Variants in WDR20 observed in about 807,000 individuals in gnomAD.
The protein encoded by WDR20 is WD repeat domain 20.
In WDR20, 3 loss-of-function variants were observed where a neutral mutation model predicts 38.7. The observed-to-expected ratio is 0.08, with a 90% CI of 0.04 to 0.20. The LOEUF is 0.20. Among genes scored for constraint, WDR20 ranks in the 10% least tolerant of loss-of-function variants. The probability of loss-of-function intolerance (pLI) is 1.00; values close to 1 mark genes in which losing one functional copy is unlikely to be tolerated. For synonymous variants in WDR20, 298 were observed against 285.6 expected, an observed-to-expected ratio of 1.04 and a Z score of -0.44; for missense variants, 559 against 727.7, an observed-to-expected ratio of 0.77 and a Z score of 2.67.
Position 102,161,143 on chromosome 14 carries a change from T to TATATATATATATATATA in WDR20, c.249+20971_249+20972insATATATATATATATATA, listed in dbSNP as rs1491558046. 4.6e-3 allele frequency among the ~76,000 whole-genome samples: 51 copies of TATATATATATATATATA among 11,194 alleles called. 1 individual carries two copies. The highest frequency in any genetic ancestry group is 0.013 in the South Asian group (2 of 154). 7.3% of individuals were successfully genotyped at this position (11,194 alleles called of 152,430 possible). A position where few individuals can be genotyped will look rare whatever the true frequency, so the allele number is the denominator to read the frequency against. On this transcript the variant is annotated intron_variant, in intron 1 of 2. Coordinates refer to ENST00000342702, the MANE Select transcript of WDR20 (RefSeq NM_144574.4). ...CTGCATATATATATATATATATATATTTTTTTTTTTTTTTTTTTTTTTTTT... is the reference window on the plus strand; with the variant it reads ...CTGCATATATATATATATATATATATATATATATATATATATATTTTTTTTTTTTTTTTTTTTTTTTT...
intron 2 of WDR20, among the ~76,000 whole-genome samples, chr14:102,197,186 T>C (rs1456846266): frequency 6.6e-6 from 1 of 152,148 alleles, no homozygotes; most frequent in Admixed American, 6.5e-5. Context: ...ATTGTCCAGA[T>C]CAGGTAGCAA....
intron 1 of WDR20, among the ~76,000 whole-genome samples, chr14:102,155,756 T>C (rs1242081637): frequency 1.3e-5 from 2 of 152,092 alleles, no homozygotes; most frequent in Non-Finnish European, 2.9e-5. Context: ...CCTGTGGCAA[T>C]TATCAATGAA....
chr14:102,217,703 C>A (rs1353230897), downstream of WDR20, among the ~76,000 whole-genome samples: 1 of 152,200 alleles, frequency 6.6e-6, no homozygotes, highest in Non-Finnish European at 1.5e-5. Flanking sequence ...CTGCTTTCTC[C>A]AGGTTTGCTT....
At chr14:102,189,720 T>C (rs2065858129) in intron 1 of WDR20, among the ~76,000 whole-genome samples, 1 of 152,204 alleles carries the variant, frequency 6.6e-6, no homozygotes, top group African/African-American at 2.4e-5. Flanking sequence ...GTAGAATCTA[T>C]CAGAAAGCTG....
chr14:102,214,416 C>T (rs2062954704), downstream of WDR20: 10 of 985,384 alleles, frequency 1.0e-5, no homozygotes, highest in Non-Finnish European at 1.1e-5. Context: ...CACTCGTATG[C>T]AACTGTTACC....
rs35097607 is a variant in WDR20, at chr14:102,220,719, CAAAA to C, written c.1693-2096_1693-2093del. Among the ~76,000 whole-genome samples the C allele has an allele frequency of 9.8e-5, 11 of 111,698 alleles. No individual in the cohort carries two copies. The highest frequency in any genetic ancestry group is 1.2e-4 in the Non-Finnish European group (6 of 51,978). The allele number at this position is 111,698 out of a possible 152,430, so 73.3% of individuals were successfully genotyped here. A position where few individuals can be genotyped will look rare whatever the true frequency, so the allele number is the denominator to read the frequency against. ...TGGACAACAAAGTGAGACTCCGTCT[CAAAA>C]AAAAAAAAAAAAAAGAAAATATTAA... On this transcript the variant is annotated intron_variant, in intron 3 of 3. Coordinates refer to the WDR20 transcript ENST00000335263. This position sits in a 1 kb window ranked among gnomAD's most constrained non-coding sequence, Gnocchi z 4.2.
intron 1 of WDR20, among the ~76,000 whole-genome samples, chr14:102,182,814 T>C (rs1399005202): frequency 6.6e-6 from 1 of 152,158 alleles, no homozygotes; most frequent in Non-Finnish European, 1.5e-5. Context: ...CTTTTCAAAC[T>C]GTTTTCTTTG....
At chr14:102,147,785 C>T (rs1026445844) in intron 1 of WDR20, among the ~76,000 whole-genome samples, 12 of 152,292 alleles carry the variant, frequency 7.9e-5, no homozygotes, top group African/African-American at 2.9e-4. Flanking sequence ...GGCTGGAGTG[C>T]AATGGCATGA....
At chr14:102,190,199 T>A (rs2065970736) in intron 1 of WDR20, among the ~76,000 whole-genome samples, 2 of 152,116 alleles carry the variant, frequency 1.3e-5, no homozygotes, top group African/African-American at 4.8e-5. Flanking sequence ...AGTACCAGCT[T>A]TGAGGGGTGA....
At chr14:102,181,605 A>G (rs1362358139) in intron 1 of WDR20, among the ~76,000 whole-genome samples, 1 of 152,148 alleles carries the variant, frequency 6.6e-6, no homozygotes, top group Non-Finnish European at 1.5e-5. Flanking sequence ...TTATAAATAT[A>G]TTACAGAATT....
chr14:102,168,059 C>T (rs2060099455), intron 1 of WDR20, among the ~76,000 whole-genome samples: 1 of 152,160 alleles, frequency 6.6e-6, no homozygotes, highest in African/African-American at 2.4e-5. Flanking sequence ...TAAAGAACAG[C>T]AGGTGGTTAT....
chr14:102,163,389 A>G (rs2059147035), intron 1 of WDR20, among the ~76,000 whole-genome samples: 1 of 152,088 alleles, frequency 6.6e-6, no homozygotes, highest in Admixed American at 6.5e-5. Flanking sequence ...GCACTTTGTG[A>G]GGCCGAGGCG....
rs568285196 is a variant in WDR20, at chr14:102,208,102, A to G, written c.433-501A>G. The stretch of plus-strand genomic sequence containing the variant: ...CTTCGAGCCGCCAGAGCAGAGGGGC[A>G]GATGGAACCAGCCCATTACCTACAG... On this transcript the variant is annotated intron_variant, in intron 2 of 2. Transcript: ENST00000342702. The surrounding 1 kb of genome is among the most constrained non-coding windows in gnomAD (Gnocchi z 5.6). Among the ~76,000 whole-genome samples the G allele has an allele frequency of 2.0e-5, 3 of 152,248 alleles. No individual in the cohort carries two copies. Among genetic ancestry groups the G allele is most frequent in the Non-Finnish European group, 4.4e-5 (3 of 68,042 alleles).
At chr14:102,186,543 AC>A (rs1566961828) in intron 1 of WDR20, among the ~76,000 whole-genome samples, 1 of 150,772 alleles carries the variant, frequency 6.6e-6, no homozygotes, top group Non-Finnish European at 1.5e-5. Flanking sequence ...CCCCCACAAC[AC>A]CCCCCTCCGG....
chr14:102,182,887 A>C (rs1353483191), intron 1 of WDR20, among the ~76,000 whole-genome samples: 2 of 152,140 alleles, frequency 1.3e-5, no homozygotes, highest in Non-Finnish European at 2.9e-5. Context: ...TATTCCATAA[A>C]ATACATATAT....
chr14:102,206,022 G>A (rs902158238), intron 2 of WDR20, among the ~76,000 whole-genome samples: 2 of 151,960 alleles, frequency 1.3e-5, no homozygotes, highest in Non-Finnish European at 2.9e-5. Context: ...TGACTTTGTC[G>A]CCCAGGCTGG....
At chr14:102,158,969 G>T (rs902954485) in intron 1 of WDR20, among the ~76,000 whole-genome samples, 9 of 151,334 alleles carry the variant, frequency 5.9e-5, no homozygotes, top group Admixed American at 2.0e-4. Context: ...TTAAGGCAGG[G>T]TCTCTCTCAG....
chr14:102,211,545 G>T (rs56196650), downstream of WDR20, among the ~76,000 whole-genome samples: 738 of 152,276 alleles, frequency 4.8e-3, 4 homozygotes, highest in Middle Eastern at 0.01. This position sits in a 1 kb window ranked among gnomAD's most constrained non-coding sequence, Gnocchi z 4.2. Context: ...CAGCCTTCAG[G>T]TGCATCTCTC....
At chr14:102,159,349 A>G (rs140991201) in intron 1 of WDR20, among the ~76,000 whole-genome samples, 5 of 152,264 alleles carry the variant, frequency 3.3e-5, no homozygotes, top group East Asian at 1.9e-4. Context: ...CTCAGCCCTC[A>G]AAGTGTGATC....
Sources: gnomAD v4.1 joint callset for allele counts (sites outside exome capture counted in the v4.1 genomes callset) on GRCh38, gnomAD v4.1.1 for gene constraint, Gnocchi (gnomAD v3.1) non-coding constraint, MANE v1.5 for transcripts, NCBI Gene and HGNC (gene_info 2026-07-23, HGNC 2026-07-21) for gene names.